CNTN4: variants seen among roughly 807,000 people sequenced by gnomAD.
CNTN4 encodes the protein contactin-4.
A neutral mutation model predicts 122.5 loss-of-function variants in CNTN4; 77 were observed. The observed-to-expected ratio is 0.63, with a 90% CI of 0.52 to 0.76. CNTN4 has a LOEUF of 0.76. Ranked by LOEUF, CNTN4 falls within the 30% of genes least tolerant of loss-of-function variation. CNTN4 has a pLI of 0.00. For missense variants in CNTN4, 1,256 were observed against 1,259.1 expected (o/e 1.00, Z 0.04); for synonymous variants, 512 against 447.0 (o/e 1.15, Z -1.83).
At chr3:2,847,263 A>T (rs2093471656) in intron 7 of CNTN4, among the ~76,000 whole-genome samples, 1 of 151,910 alleles carries the variant, frequency 6.6e-6, no homozygotes, top group Non-Finnish European at 1.5e-5. Flanking sequence ...CCTTGTAATC[A>T]TCCACAAGCA....
intron 23 of CNTN4, among the ~76,000 whole-genome samples, chr3:3,044,623 C>T (rs868741382): frequency 3.9e-5 from 6 of 152,260 alleles, no homozygotes; most frequent in Admixed American, 2.0e-4. Context: ...TAAGGATGGA[C>T]GTGGGCAGTT....
intron 3 of CNTN4, among the ~76,000 whole-genome samples, chr3:2,342,388 A>C (rs1349196553): frequency 2.0e-5 from 3 of 152,196 alleles, no homozygotes; most frequent in Non-Finnish European, 4.4e-5. Flanking sequence ...AATATGAAGT[A>C]CTGATACATG....
At chr3:3,017,410 A>G (rs1211009597) in intron 14 of CNTN4, among the ~76,000 whole-genome samples, 1 of 152,236 alleles carries the variant, frequency 6.6e-6, no homozygotes, top group Non-Finnish European at 1.5e-5. Flanking sequence ...CAAACTACAT[A>G]TATAGATGTC....
At chr3:2,756,268 A>G (rs1445492459) in intron 6 of CNTN4, among the ~76,000 whole-genome samples, 1 of 152,182 alleles carries the variant, frequency 6.6e-6, no homozygotes, top group East Asian at 1.9e-4. Context: ...TGATCATATG[A>G]GGAGGTGGGG....
intron 3 of CNTN4, among the ~76,000 whole-genome samples, chr3:2,479,607 T>C (rs1658773123): frequency 6.6e-6 from 1 of 152,058 alleles, no homozygotes; most frequent in Admixed American, 6.6e-5. Context: ...ACTCAACCAG[T>C]GAGGAACTGG....
chr3:2,483,799 C>G (rs1252916592), intron 3 of CNTN4, among the ~76,000 whole-genome samples: 4 of 152,106 alleles, frequency 2.6e-5, no homozygotes, highest in African/African-American at 4.8e-5. Context: ...AACTGTAAGT[C>G]AATTAAACTT....
intron 14 of CNTN4, among the ~76,000 whole-genome samples, chr3:2,995,608 A>G (rs768208091): frequency 7.2e-4 from 109 of 152,198 alleles, no homozygotes; most frequent in Non-Finnish European, 1.4e-3. Context: ...TTTTGGCATA[A>G]AAGACACTCT....
intron 6 of CNTN4, 122 bp downstream of exon 6, chr3:2,745,819 ACT>A: frequency 1.2e-6 from 1 of 841,470 alleles, no homozygotes; most frequent in East Asian, 2.7e-5. Context: ...GATCATCTTT[ACT>A]CTTTTTCACA....
intron 6 of CNTN4, among the ~76,000 whole-genome samples, chr3:2,810,838 A>G (rs2092587027): frequency 6.6e-6 from 1 of 152,210 alleles, no homozygotes; most frequent in South Asian, 2.1e-4. Context: ...CTAAATTGTA[A>G]GGTTTTATTT....
intron 4 of CNTN4, among the ~76,000 whole-genome samples, chr3:2,707,729 G>A (rs535813671): frequency 1.3e-5 from 2 of 151,868 alleles, no homozygotes; most frequent in Admixed American, 6.6e-5. Flanking sequence ...CTGTAACCTC[G>A]AACTCTTGGG....
intron 2 of CNTN4, among the ~76,000 whole-genome samples, chr3:2,154,303 T>C (rs1181052431): frequency 6.6e-6 from 1 of 151,898 alleles, no homozygotes; most frequent in Non-Finnish European, 1.5e-5. Flanking sequence ...GGAGAATTGC[T>C]TGAACCCAGG....
At chr3:2,919,598 C>T (rs2094407347) in intron 12 of CNTN4, among the ~76,000 whole-genome samples, 1 of 152,140 alleles carries the variant, frequency 6.6e-6, no homozygotes, top group Non-Finnish European at 1.5e-5. Flanking sequence ...TCTAATGACT[C>T]TCTTCTGTTC....
At chr3:2,328,017 CAAG>C (rs2043532776) in intron 2 of CNTN4, among the ~76,000 whole-genome samples, 1 of 152,162 alleles carries the variant, frequency 6.6e-6, no homozygotes, top group Non-Finnish European at 1.5e-5. Flanking sequence ...ACATGGTTGC[CAAG>C]AAGAATTTGA....
intron 2 of CNTN4, among the ~76,000 whole-genome samples, chr3:2,152,026 ATGTT>A (rs2125408358): frequency 6.6e-6 from 1 of 152,356 alleles, no homozygotes; most frequent in East Asian, 1.9e-4. Flanking sequence ...TTTTAAAAAA[ATGTT>A]TGTATGCAGG....
chr3:2,330,342 C>T (rs913463662), intron 2 of CNTN4, among the ~76,000 whole-genome samples: 4 of 152,130 alleles, frequency 2.6e-5, no homozygotes, highest in Middle Eastern at 3.4e-3. Context: ...GTTTTTATGG[C>T]GACTTCACTA....
At chr3:2,941,973 A>G (rs762824808) in intron 13 of CNTN4, among the ~76,000 whole-genome samples, 5 of 151,876 alleles carry the variant, frequency 3.3e-5, no homozygotes, top group Non-Finnish European at 4.4e-5. Flanking sequence ...TTCCTCTTCA[A>G]TTTCTTCTTT....
chr3:2,435,338 A>G (rs1023506024), intron 3 of CNTN4, among the ~76,000 whole-genome samples: 2 of 152,146 alleles, frequency 1.3e-5, no homozygotes, highest in Admixed American at 1.3e-4. Flanking sequence ...ATTCTCCTGT[A>G]TACCTTAAAT....
chr3:2,821,533 G>C (rs1320254984), intron 7 of CNTN4, among the ~76,000 whole-genome samples: 1 of 152,138 alleles, frequency 6.6e-6, no homozygotes, highest in Non-Finnish European at 1.5e-5. Flanking sequence ...GATCACCTCA[G>C]TGGCAAAGGA....
intron 2 of CNTN4, among the ~76,000 whole-genome samples, chr3:2,280,672 A>G (rs138585645): frequency 3.3e-4 from 51 of 152,288 alleles, no homozygotes; most frequent in African/African-American, 1.2e-3. Flanking sequence ...GGATAAATGA[A>G]ACTTCACTAT....
Sources: gnomAD v4.1 joint callset for allele counts (sites outside exome capture counted in the v4.1 genomes callset) on GRCh38, gnomAD v4.1.1 for gene constraint, MANE v1.5 for transcripts, NCBI Gene and HGNC (gene_info 2026-07-23, HGNC 2026-07-21) for gene names.